PTPRQ: variants seen among roughly 807,000 people sequenced by gnomAD.
The protein encoded by PTPRQ is phosphatidylinositol phosphatase PTPRQ.
In PTPRQ, 199 loss-of-function variants were observed where a neutral mutation model predicts 246.0. The observed-to-expected ratio is 0.81, with a 90% CI of 0.72 to 0.91. PTPRQ has a LOEUF of 0.91. PTPRQ is among the 40% of genes least tolerant of loss of function. PTPRQ has a pLI of 0.00. For missense variants in PTPRQ, 2,624 were observed against 2,528.4 expected (o/e 1.04, Z -0.81); for synonymous variants, 869 against 853.2 (o/e 1.02, Z -0.32).
chr12:80,603,424 G>A (rs1898208125), intron 26 of PTPRQ, among the ~76,000 whole-genome samples: 1 of 151,534 alleles, frequency 6.6e-6, no homozygotes, highest in Admixed American at 6.6e-5. Flanking sequence ...GTAACAATCA[G>A]GTACTCTCTA....
intron 27 of PTPRQ, among the ~76,000 whole-genome samples, chr12:80,605,595 A>T (rs1898288447): frequency 6.6e-6 from 1 of 151,306 alleles, no homozygotes; most frequent in Non-Finnish European, 1.5e-5. Context: ...GAGAGAAGGC[A>T]TTAGGAGAAA....
At chr12:80,569,285 G>A (rs371069885) in intron 25 of PTPRQ, among the ~76,000 whole-genome samples, 3 of 149,608 alleles carry the variant, frequency 2.0e-5, no homozygotes, top group Non-Finnish European at 3.0e-5. Context: ...TACAAAGGAC[G>A]TGAACTCATC....
chr12:80,481,777 T>C (rs1417580529), intron 8 of PTPRQ, among the ~76,000 whole-genome samples: 1 of 152,124 alleles, frequency 6.6e-6, no homozygotes, highest in African/African-American at 2.4e-5. Flanking sequence ...CATTCACAGT[T>C]GCTTCAAAGA....
At chr12:80,571,349 AG>A (rs1897141648) in intron 25 of PTPRQ, among the ~76,000 whole-genome samples, 1 of 152,242 alleles carries the variant, frequency 6.6e-6, no homozygotes, top group Admixed American at 6.5e-5. Flanking sequence ...CCTGTTGGTC[AG>A]GCTGGTCTCG....
intron 17 of PTPRQ, among the ~76,000 whole-genome samples, chr12:80,528,108 T>C (rs955254032): frequency 1.3e-5 from 2 of 152,048 alleles, no homozygotes; most frequent in African/African-American, 4.8e-5. Context: ...AATAAATAAA[T>C]AAATGGACAT....
chr12:80,591,001 CCACT>C (rs1167096647), intron 26 of PTPRQ, among the ~76,000 whole-genome samples: 1 of 152,024 alleles, frequency 6.6e-6, no homozygotes. Flanking sequence ...ATTTCCCTGA[CCACT>C]CAATCTAAAA....
At chr12:80,473,802 A>G (rs1490126793) in intron 8 of PTPRQ, among the ~76,000 whole-genome samples, 1 of 152,134 alleles carries the variant, frequency 6.6e-6, no homozygotes, top group Non-Finnish European at 1.5e-5. Flanking sequence ...CACAAGGCCT[A>G]TTTTTCACAC....
intron 15 of PTPRQ, 31 bp from the exon 16 acceptor site, chr12:80,506,538 G>A (rs1474038957): frequency 6.9e-7 from 1 of 1,446,854 alleles, no homozygotes; most frequent in African/African-American, 1.4e-5. Context: ...TATTTTGTAA[G>A]TTTCAACTTA....
At chr12:80,670,730 T>C (rs1383292351) in intron 42 of PTPRQ, among the ~76,000 whole-genome samples, 2 of 152,074 alleles carry the variant, frequency 1.3e-5, no homozygotes. Flanking sequence ...GAGGAAAATG[T>C]AGTATGAATT....
chr12:80,542,136 A>T lies in PTPRQ; in HGVS notation c.3493A>T (p.Thr1165Ser). The T allele has an allele frequency of 1.9e-6, 3 of 1,550,504 alleles. No homozygotes were observed. The highest frequency in any genetic ancestry group is 2.6e-6 in the Non-Finnish European group (3 of 1,146,566). The change falls in exon 22 of 45, where the codon ACC becomes TCC. Residue 1165 changes from threonine to serine, a missense_variant. Transcript: ENST00000644991. ...IINTFKNLSS[T>S]SVLLSWDPPV... The stretch of plus-strand genomic sequence containing the variant: ...CAACACTTTTAAAAACCTTTCCTCT[A>T]CCTCAGTTCTCTTATCATGGGATCC...
At chr12:80,605,013 G>A (rs1199421195) in intron 26 of PTPRQ, 46 bp from the exon 27 acceptor site, 3 of 1,500,118 alleles carry the variant, frequency 2.0e-6, no homozygotes, top group Admixed American at 4.4e-5. Context: ...GCTGTAGCAA[G>A]TACTAATTCT....
At position 80,495,257 on chromosome 12, in the gene PTPRQ, G is replaced by C; in HGVS notation, c.1768G>C (p.Asp590His). Residue 590 changes from aspartate to histidine, a missense_variant, in exon 12 of 45, where the codon GAT (aspartate) becomes CAT (histidine). By Grantham distance (81) the Asp-to-His change is moderately conservative (BLOSUM62 -1). Coordinates refer to ENST00000644991, the MANE Select transcript of PTPRQ (RefSeq NM_001145026.2). Reference sequence around the variant, plus strand: ...TTCTTCATCTATTTTGTTATATTGGGATCCTCCAGAATATCCCAATGGAAA... The same window carrying C: ...TTCTTCATCTATTTTGTTATATTGGCATCCTCCAGAATATCCCAATGGAAA... ...ISSSSILLYWDPPEYPNGKIT... is the reference protein window; with the variant it reads ...ISSSSILLYWHPPEYPNGKIT... 1 of 1,544,810 alleles carries C rather than the reference G, an allele frequency of 6.5e-7. No individual in the cohort carries two copies. Among genetic ancestry groups the C allele is most frequent in the Non-Finnish European group, 8.7e-7 (1 of 1,144,944 alleles).
At position 80,444,875 on chromosome 12, in the gene PTPRQ, G is replaced by T. The variant is rs1380510132; in HGVS notation, c.163+26G>T. ...GTGAGTATATGTTTTAAATTACTTT[G>T]TAAGTAAAGTATTTGGAGTCAGTAT... On this transcript the variant is annotated intron_variant, in intron 2 of 44. Transcript: ENST00000644991. The T allele has an allele frequency of 3.4e-6, 5 of 1,485,572 alleles. No homozygotes were observed. The South Asian group carries it at 6.2e-5, about 19-fold the overall frequency. The allele number at this position is 1,485,572 out of a possible 1,614,324, so 92.0% of individuals were successfully genotyped here. A position where few individuals can be genotyped will look rare whatever the true frequency, so the allele number is the denominator to read the frequency against.
At chr12:80,480,928 C>G (rs1894024277) in intron 8 of PTPRQ, among the ~76,000 whole-genome samples, 1 of 152,096 alleles carries the variant, frequency 6.6e-6, no homozygotes, top group Admixed American at 6.6e-5. Flanking sequence ...GATTCACAGC[C>G]GAATTCTACC....
chr12:80,445,424 A>G (rs1892521341), intron 2 of PTPRQ, 67 bp from the exon 3 acceptor site: 4 of 960,866 alleles, frequency 4.2e-6, no homozygotes, highest in Non-Finnish European at 3.0e-6. Flanking sequence ...AAATACTGTT[A>G]TTATGTATTT....
intron 5 of PTPRQ, among the ~76,000 whole-genome samples, chr12:80,460,222 C>T (rs980840218): frequency 1.3e-5 from 2 of 152,124 alleles, no homozygotes; most frequent in Non-Finnish European, 2.9e-5. Context: ...TACACGCACA[C>T]ACCTAACGTG....
intron 25 of PTPRQ, among the ~76,000 whole-genome samples, chr12:80,582,441 G>A (rs1327740176): frequency 1.3e-5 from 2 of 152,154 alleles, no homozygotes; most frequent in Non-Finnish European, 2.9e-5. Context: ...GATGCTATTA[G>A]AAGGTGAGGC....
chr12:80,521,327 A>C (rs1459142711), intron 17 of PTPRQ, among the ~76,000 whole-genome samples: 1 of 152,026 alleles, frequency 6.6e-6, no homozygotes, highest in East Asian at 1.9e-4. Flanking sequence ...GTTCACTCTG[A>C]TGGTAGTTTC....
chr12:80,532,175 A>G (rs1044073511), intron 17 of PTPRQ, among the ~76,000 whole-genome samples: 2 of 152,062 alleles, frequency 1.3e-5, no homozygotes, highest in African/African-American at 4.8e-5. Flanking sequence ...ATGTAATGCA[A>G]TTAGATTACT....
Sources: gnomAD v4.1 joint callset for allele counts (sites outside exome capture counted in the v4.1 genomes callset) on GRCh38, gnomAD v4.1.1 for gene constraint, MANE v1.5 for transcripts, NCBI Gene and HGNC (gene_info 2026-07-23, HGNC 2026-07-21) for gene names.